GK5: variants seen among roughly 807,000 people sequenced by gnomAD.
GK5 encodes ATP:glycerol 3-phosphotransferase 5.
In GK5, 39 loss-of-function variants were observed where a neutral mutation model predicts 77.3. The ratio of observed to expected loss-of-function variants is 0.50; its 90% CI spans 0.39 to 0.66. GK5 has a LOEUF of 0.66. GK5 is among the 30% of genes least tolerant of loss of function. The pLI, the probability that GK5 is intolerant of heterozygous loss-of-function variation, is 0.00. For synonymous variants in GK5, 211 were observed against 208.0 expected (o/e 1.01, Z -0.13); for missense variants, 487 against 633.8 (o/e 0.77, Z 2.49).
intron 5 of GK5, among the ~76,000 whole-genome samples, chr3:142,195,403 G>C (rs2063919804): frequency 6.6e-6 from 1 of 152,084 alleles, no homozygotes; most frequent in South Asian, 2.1e-4. Flanking sequence ...TGCAGTGGTG[G>C]TGTGATCCTG....
At chr3:142,167,374 A>C (rs74703929) in intron 15 of GK5, among the ~76,000 whole-genome samples, 1 of 145,720 alleles carries the variant, frequency 6.9e-6, no homozygotes, top group Admixed American at 6.8e-5. Flanking sequence ...ACTCCATCTC[A>C]AAAAAAAAAA....
chr3:142,192,553 C>A (rs961385615), intron 5 of GK5, among the ~76,000 whole-genome samples: 1 of 152,018 alleles, frequency 6.6e-6, no homozygotes, highest in Non-Finnish European at 1.5e-5. Context: ...CACTTAAGGT[C>A]GGGAGGTCGA....
intron 12 of GK5, among the ~76,000 whole-genome samples, chr3:142,174,412 TA>T (rs2108782883): frequency 6.6e-6 from 1 of 152,360 alleles, no homozygotes; most frequent in African/African-American, 2.4e-5. Flanking sequence ...TATAGTATCA[TA>T]AAACTAAGAT....
intron 5 of GK5, among the ~76,000 whole-genome samples, chr3:142,194,908 A>C (rs566513427): frequency 2.8e-4 from 42 of 150,996 alleles, no homozygotes; most frequent in African/African-American, 9.3e-4. Flanking sequence ...CCTCCCATAC[A>C]ATGTTAATTA....
At chr3:142,198,512 G>A (rs1042221549) in intron 5 of GK5, among the ~76,000 whole-genome samples, 1 of 152,148 alleles carries the variant, frequency 6.6e-6, no homozygotes, top group African/African-American at 2.4e-5. Flanking sequence ...TACTTGGGAG[G>A]CTGTGGCAGG....
intron 5 of GK5, among the ~76,000 whole-genome samples, chr3:142,193,605 T>G (rs2063886595): frequency 6.6e-6 from 1 of 152,232 alleles, no homozygotes; most frequent in South Asian, 2.1e-4. Context: ...GTATATAAGA[T>G]GTCTTTCCAT....
rs1320818507 is a variant in GK5 at position 142,225,336 on chromosome 3, C to T, written c.120G>A (p.Ala40=). 6 of 1,555,376 alleles carry T rather than the reference C, an allele frequency of 3.9e-6. No homozygotes were observed. The highest frequency in any genetic ancestry group is 2.4e-5 in the South Asian group (2 of 83,872). The change falls in exon 1 of 16, where the codon GCG becomes GCA. Residue 40 remains alanine (A), a synonymous_variant. Coordinates refer to ENST00000392993, the MANE Select transcript of GK5 (RefSeq NM_001039547.3). ...VIRCHVYDRA[A]RVCGSSVQKV... Reference sequence around the variant, plus strand: ...TCTGCACGCTGGAGCCGCAGACCCGCGCCGCCCGGTCATAGACGTGGCAGC... The same window carrying T: ...TCTGCACGCTGGAGCCGCAGACCCGTGCCGCCCGGTCATAGACGTGGCAGC...
rs931973850 is a variant in GK5, at chr3:142,225,545, C to A, written c.-90G>T. 8.1e-6 allele frequency: 12 copies of A among 1,476,360 alleles called. No individual in the cohort carries two copies. The highest frequency in any genetic ancestry group is 7.5e-5 in the South Asian group (6 of 80,186). 91.5% of individuals were successfully genotyped at this position (1,476,360 alleles called of 1,614,324 possible). ...TCCAGAGTCCCCGGGCGGCCCAACC[C>A]GGGCCCCAACCCGGCTCAGCCGGAG... On this transcript the variant is annotated 5_prime_UTR_variant, in exon 1 of 16. Transcript: ENST00000392993.
At position 142,198,696 on chromosome 3, in the gene GK5, A is replaced by G. The variant is rs1329553896; in HGVS notation, c.543+106T>C. The G allele has an allele frequency of 7.9e-6, 8 of 1,012,010 alleles. No homozygotes were observed. The East Asian group carries it at 1.9e-4, about 24-fold the overall frequency. The allele number at this position is 1,012,010 out of a possible 1,614,324, so 62.7% of individuals were successfully genotyped here. On this transcript the variant is annotated intron_variant, in intron 5 of 15. Coordinates refer to ENST00000392993, the MANE Select transcript of GK5 (RefSeq NM_001039547.3). ...GTGGTAGACACTTAATTTTCCCTCAAATAATCAAATTACTATCTTTATTCC... is the reference window on the plus strand; with the variant it reads ...GTGGTAGACACTTAATTTTCCCTCAGATAATCAAATTACTATCTTTATTCC...
intron 4 of GK5, among the ~76,000 whole-genome samples, chr3:142,201,903 G>C (rs368348093): frequency 1.3e-5 from 2 of 152,120 alleles, no homozygotes; most frequent in South Asian, 2.1e-4. Flanking sequence ...TAAGTACAAT[G>C]AAGGAAACAA....
intron 1 of GK5, among the ~76,000 whole-genome samples, chr3:142,223,499 G>A (rs1048536834): frequency 3.9e-5 from 6 of 152,180 alleles, no homozygotes; most frequent in African/African-American, 1.2e-4. Context: ...GCCAGAGAAG[G>A]GACCAGGGAG....
chr3:142,191,011 T>C (rs899367288), intron 5 of GK5, among the ~76,000 whole-genome samples: 1 of 152,100 alleles, frequency 6.6e-6, no homozygotes. Context: ...AAAAAGTAAC[T>C]ATATTTCTAA....
chr3:142,166,202 A>G (rs1239263601), intron 15 of GK5, among the ~76,000 whole-genome samples: 2 of 152,158 alleles, frequency 1.3e-5, no homozygotes, highest in African/African-American at 4.8e-5. Flanking sequence ...AGCTATGATT[A>G]TATCACTGCA....
chr3:142,203,786 TAATAA>T (rs2064063662), intron 4 of GK5, among the ~76,000 whole-genome samples: 2 of 151,754 alleles, frequency 1.3e-5, no homozygotes, highest in Admixed American at 1.3e-4. Context: ...AAAATAACAA[TAATAA>T]AATAAAATAA....
At chr3:142,223,680 A>G (rs2064387319) in intron 1 of GK5, among the ~76,000 whole-genome samples, 1 of 152,216 alleles carries the variant, frequency 6.6e-6, no homozygotes, top group Non-Finnish European at 1.5e-5. Flanking sequence ...CTCTACAAAA[A>G]TACAAAAATT....
chr3:142,210,216 T>C (rs2064173046), intron 3 of GK5, among the ~76,000 whole-genome samples: 1 of 151,824 alleles, frequency 6.6e-6, no homozygotes, highest in Non-Finnish European at 1.5e-5. Flanking sequence ...GTGAGGAAAA[T>C]AATGTTTCTA....
intron 1 of GK5, among the ~76,000 whole-genome samples, chr3:142,223,992 G>C (rs776982298): frequency 6.6e-6 from 1 of 152,166 alleles, no homozygotes; most frequent in Non-Finnish European, 1.5e-5. Context: ...GAAGAAGAAC[G>C]GGACACTGAG....
At chr3:142,207,538 C>T (rs2064127184) in intron 3 of GK5, among the ~76,000 whole-genome samples, 1 of 151,496 alleles carries the variant, frequency 6.6e-6, no homozygotes, top group Non-Finnish European at 1.5e-5. Context: ...CTTCTACATA[C>T]AAATGTACTG....
chr3:142,223,540 C>T (rs994641819), intron 1 of GK5, among the ~76,000 whole-genome samples: 2 of 152,170 alleles, frequency 1.3e-5, no homozygotes, highest in Admixed American at 1.3e-4. Flanking sequence ...CTGTCTTGGT[C>T]CTGAAACCTG....
Sources: allele counts gnomAD v4.1 joint callset (sites outside exome capture counted in the v4.1 genomes callset), GRCh38; gene constraint gnomAD v4.1.1; transcripts MANE v1.5; gene names NCBI Gene and HGNC (gene_info 2026-07-23, HGNC 2026-07-21).